The following ABCC10 variants were observed in gnomAD, a reference collection of about 807,000 sequenced individuals.
ABCC10 encodes ATP binding cassette subfamily C member 10.
In ABCC10, 110 loss-of-function variants were observed where a neutral mutation model predicts 143.2. That is an observed-to-expected ratio of 0.77 (90% CI 0.66 to 0.90). The LOEUF (loss-of-function observed/expected upper bound fraction) is 0.90. ABCC10 is among the 40% of genes least tolerant of loss of function. The pLI is 0.00. For synonymous variants in ABCC10, 805 were observed against 846.7 expected (o/e 0.95, Z 0.85); for missense variants, 1,700 against 1,900.5 (o/e 0.89, Z 1.96).
rs201700502 is a variant in ABCC10 at position 43,438,737 on chromosome 6, T to C, written c.2069T>C (p.Phe690Ser). The change falls in exon 8 of 22, where the codon TTT becomes TCT. Residue 690 changes from phenylalanine (F) to serine (S), a missense_variant. Transcript: ENST00000372530. The stretch of plus-strand genomic sequence containing the variant: ...GACAACATCCTCTTTGGGAAGACAT[T>C]TGATGCACAGCTGTACAAGGAGGTG... ...IRDNILFGKT[F>S]DAQLYKEVLE... The C allele has an allele frequency of 4.0e-4, 652 of 1,614,202 alleles. No homozygotes were observed. The highest frequency in any genetic ancestry group is 5.2e-4 in the Non-Finnish European group (611 of 1,180,008).
intron 18 of ABCC10, 104 bp downstream of exon 18, chr6:43,448,041 G>A (rs1158038588): frequency 6.5e-7 from 1 of 1,528,810 alleles, no homozygotes; most frequent in Admixed American, 1.9e-5. Flanking sequence ...AGCAGCCAGG[G>A]CTGATCAGGG....
At chr6:43,437,853 C>A in intron 6 of ABCC10, 81 bp from the exon 7 acceptor site, 2 of 1,404,938 alleles carry the variant, frequency 1.4e-6, no homozygotes, top group Non-Finnish European at 2.0e-6. Context: ...GGACTGGCAG[C>A]CCAGAGTGTC....
In ABCC10 at chr6:43,434,680, A is replaced by G. The variant is rs1355272407; in HGVS notation, c.1440A>G (p.Ala480=). 1 of 1,614,136 alleles carries G rather than the reference A, an allele frequency of 6.2e-7. No homozygotes were observed. Residue 480 remains alanine, a synonymous_variant, in exon 4 of 22, where the codon GCA becomes GCG. Coordinates refer to ENST00000372530, the MANE Select transcript of ABCC10 (RefSeq NM_001198934.2). The part of the protein sequence containing the change: ...RVIKFCGWEQ[A]LGARVEACRA... ...TCAAGTTCTGCGGGTGGGAGCAGGC[A>G]CTGGGAGCCCGAGTAGAGGCCTGCC...
chr6:43,435,943 G>A (rs1234719807), intron 5 of ABCC10, 36 bp downstream of exon 5: 4 of 1,612,426 alleles, frequency 2.5e-6, no homozygotes, highest in Non-Finnish European at 3.4e-6. Context: ...CTGGCACAGG[G>A]TGAGGAGGGA....
intron 15 of ABCC10, 81 bp from the exon 16 acceptor site, chr6:43,446,196 G>T (rs1783050841): frequency 6.6e-7 from 1 of 1,513,780 alleles, no homozygotes; most frequent in South Asian, 1.3e-5. Flanking sequence ...TGCTCAATAA[G>T]GGCCTTCCCT....
rs1782789500 is a variant in ABCC10, at chr6:43,444,284, C to T, written c.2620C>T (p.Gln874Ter). ...GGGCGCCGTGGCCTTGCACGTGTAC[C>T]AAGCTTACTGGAAGGCCGTGGGCCA... ...KEGAVALHVY[Q>*]AYWKAVGQGL... Residue 874 changes from glutamine (Q) to a stop codon, truncating the protein, a stop_gained, in exon 12 of 22, where the codon CAA (glutamine) becomes TAA (stop). Coordinates refer to ENST00000372530, the MANE Select transcript of ABCC10 (RefSeq NM_001198934.2). LOFTEE classifies it high-confidence loss of function. The T allele has an allele frequency of 6.2e-7, 1 of 1,614,104 alleles. No homozygotes were observed. Among genetic ancestry groups the T allele is most frequent in the Non-Finnish European group, 8.5e-7 (1 of 1,180,024 alleles).
At chr6:43,434,582 G>A (rs1370445611) in intron 3 of ABCC10, 39 bp from the exon 4 acceptor site, 1 of 1,572,692 alleles carries the variant, frequency 6.4e-7, no homozygotes, top group South Asian at 1.2e-5. Context: ...CATGAGCAGT[G>A]CCTCCACTTC....
chr6:43,451,397 C>T, downstream of ABCC10: 2 of 1,233,546 alleles, frequency 1.6e-6, no homozygotes, highest in Non-Finnish European at 2.2e-6. The surrounding 1 kb of genome is among the most constrained non-coding windows in gnomAD (Gnocchi z 4.4). Flanking sequence ...GCCTCAAATA[C>T]CTCATTTTAA....
rs1157354479 is a variant in ABCC10, at chr6:43,443,883, T to C, written c.2417-50T>C. ...ATCTGCACACGCACTGAGAAAGGCATAGTATAGACTCAGAACAGTCCTCTC... is the reference window on the plus strand; with the variant it reads ...ATCTGCACACGCACTGAGAAAGGCACAGTATAGACTCAGAACAGTCCTCTC... On this transcript the variant is annotated intron_variant, in intron 10 of 21. Transcript: ENST00000372530. The surrounding 1 kb of genome is among the most constrained non-coding windows in gnomAD (Gnocchi z 4.2). 1 of 1,540,470 alleles carries C rather than the reference T, an allele frequency of 6.5e-7. No individual in the cohort carries two copies. The highest frequency in any genetic ancestry group is 9.0e-7 in the Non-Finnish European group (1 of 1,113,064).
In ABCC10 at chr6:43,438,725, T is replaced by G. The variant is rs1288961399; in HGVS notation, c.2057T>G (p.Phe686Cys). Residue 686 changes from phenylalanine to cysteine, a missense_variant, in exon 8 of 22, where the codon TTT becomes TGT. Transcript: ENST00000372530. The stretch of plus-strand genomic sequence containing the variant: ...GCCACCATCCGAGACAACATCCTCT[T>G]TGGGAAGACATTTGATGCACAGCTG... ...QFATIRDNIL[F>C]GKTFDAQLYK... 1 of 1,614,218 alleles carries G rather than the reference T, an allele frequency of 6.2e-7. No homozygotes were observed.
chr6:43,440,770 G>T (rs1270381381), intron 8 of ABCC10, among the ~76,000 whole-genome samples: 1 of 150,938 alleles, frequency 6.6e-6, no homozygotes, highest in Non-Finnish European at 1.5e-5. Context: ...GCTGAGGCAG[G>T]AGAATCTAGC....
At chr6:43,432,084 T>G in intron 2 of ABCC10, 58 bp from the exon 3 acceptor site, 1 of 1,585,018 alleles carries the variant, frequency 6.3e-7, no homozygotes. Flanking sequence ...AGGTGAGGGG[T>G]ATGTCTGGCT....
At chr6:43,448,852 C>T in intron 18 of ABCC10, 29 bp from the exon 19 acceptor site, 2 of 1,589,658 alleles carry the variant, frequency 1.3e-6, no homozygotes, top group Non-Finnish European at 1.7e-6. Flanking sequence ...ACATCTCCAA[C>T]CACTAGACTC....
At chr6:43,446,478 T>C (rs1214746) in intron 16 of ABCC10, 32 bp downstream of exon 16, 1,477,573 of 1,591,220 alleles carry the variant, frequency 0.93, 686,536 homozygotes, top group East Asian at 1. Context: ...CCCTACCTCA[T>C]CCACAAGTTA....
downstream of ABCC10, chr6:43,451,971 C>G (rs368152078): frequency 2.3e-5 from 37 of 1,614,062 alleles, no homozygotes; most frequent in Non-Finnish European, 3.0e-5. The surrounding 1 kb of genome is among the most constrained non-coding windows in gnomAD (Gnocchi z 4.4). Context: ...GCCTTGCGCT[C>G]GCAGTCACGC....
rs911676533 is a variant in ABCC10 at position 43,442,107 on chromosome 6, C to G, written c.2226+147C>G. 16 of 628,704 alleles carry G rather than the reference C, an allele frequency of 2.5e-5. No individual in the cohort carries two copies. In the African/African-American group the frequency reaches 2.6e-4, roughly 10 times the overall value. 38.9% of individuals were successfully genotyped at this position (628,704 alleles called of 1,614,324 possible). On this transcript the variant is annotated intron_variant, in intron 9 of 21. Transcript: ENST00000372530. ...TGCATGTTCCTGAGGTATTGGCCAT[C>G]TCATCCCCTTTTGCAGATTTAAGGC...
chr6:43,448,487 A>G (rs1238644350), intron 18 of ABCC10, among the ~76,000 whole-genome samples: 1 of 152,026 alleles, frequency 6.6e-6, no homozygotes, highest in South Asian at 2.1e-4. Flanking sequence ...TCAGGACCCA[A>G]TTCTAGGCCC....
chr6:43,449,420 A>G lies in ABCC10; in HGVS notation c.4204-2A>G. On this transcript the variant is annotated splice_acceptor_variant, in intron 20 of 21. Coordinates refer to ENST00000372530, the MANE Select transcript of ABCC10 (RefSeq NM_001198934.2). LOFTEE classifies it high-confidence loss of function. ...ATCCCCTACCCCATTCCCATATTCCAGATCCTGTGTATCGATGAGGCCACA... is the reference window on the plus strand; with the variant it reads ...ATCCCCTACCCCATTCCCATATTCCGGATCCTGTGTATCGATGAGGCCACA... The G allele has an allele frequency of 6.2e-7, 1 of 1,611,774 alleles. No homozygotes were observed. Among genetic ancestry groups the G allele is most frequent in the Non-Finnish European group, 8.5e-7 (1 of 1,178,700 alleles).
At position 43,442,990 on chromosome 6, in the gene ABCC10, C is replaced by T. The variant is rs763453216; in HGVS notation, c.2247C>T (p.Leu749=). 20 of 1,600,142 alleles carry T rather than the reference C, an allele frequency of 1.2e-5. No homozygotes were observed. Among genetic ancestry groups the T allele is most frequent in the Non-Finnish European group, 1.5e-5 (18 of 1,173,778 alleles). Residue 749 remains leucine (L), a synonymous_variant, in exon 10 of 22, where the codon CTC becomes CTT. Transcript: ENST00000372530. Reference sequence around the variant, plus strand: ...CATAGGAAAAGGAGCTCTATCTCCTCGATGACCCTCTGGCCGCTGTGGATG... The same window carrying T: ...CATAGGAAAAGGAGCTCTATCTCCTTGATGACCCTCTGGCCGCTGTGGATG... The part of the protein sequence containing the change: ...AVYQEKELYL[L]DDPLAAVDAD...
Sources: allele counts gnomAD v4.1 joint callset (sites outside exome capture counted in the v4.1 genomes callset), GRCh38; gene constraint gnomAD v4.1.1; non-coding constraint Gnocchi (gnomAD v3.1); transcripts MANE v1.5; gene names NCBI Gene and HGNC (gene_info 2026-07-23, HGNC 2026-07-21).